Variants in C1R observed in about 807,000 individuals in gnomAD.
C1R encodes the protein complement C1r subcomponent.
C1R carries 15 observed loss-of-function variants against 27.6 expected under a neutral mutation model. The ratio of observed to expected loss-of-function variants is 0.54; its 90% CI spans 0.36 to 0.84. C1R has a LOEUF of 0.84. Among genes scored for constraint, C1R ranks in the 40% least tolerant of loss-of-function variants. The pLI, the probability that C1R is intolerant of heterozygous loss-of-function variation, is 0.01. For missense variants in C1R, 544 were observed against 577.9 expected (o/e 0.94, Z 0.60); for synonymous variants, 253 against 228.8 (o/e 1.11, Z -0.95).
chr12:7,088,814 G>T (rs770707142), intron 6 of C1R, 25 bp downstream of exon 6: 1 of 772,744 alleles, frequency 1.3e-6, no homozygotes, highest in Non-Finnish European at 2.4e-6. Flanking sequence ...GCTGGCCATC[G>T]AGGGAGGCCT....
chr12:7,090,863 A>G (rs1020926907), intron 2 of C1R, among the ~76,000 whole-genome samples: 3 of 152,134 alleles, frequency 2.0e-5, no homozygotes, highest in African/African-American at 7.2e-5. Context: ...AAGACGTGCC[A>G]TTGTCATGTA....
chr12:7,092,154 C>G lies in C1R; in HGVS notation c.2+233G>C, dbSNP rs1327036739. 4 of 615,370 alleles carry G rather than the reference C, an allele frequency of 6.5e-6. No individual in the cohort carries two copies. In the Admixed American group the frequency reaches 8.1e-5, roughly 12 times the overall value. 38.1% of individuals were successfully genotyped at this position (615,370 alleles called of 1,614,324 possible). On this transcript the variant is annotated intron_variant, in intron 1 of 10. Transcript: ENST00000647956. ...GTCCCCTCCTCTCGCTGCTCCCTGC[C>G]AAGAGCCCAGAGGGAAGAAAGGACC...
intron 5 of C1R, 108 bp downstream of exon 5, chr12:7,089,185 C>T: frequency 1.5e-6 from 1 of 676,588 alleles, no homozygotes; most frequent in Non-Finnish European, 2.7e-6. Context: ...GTGATGTTGG[C>T]CGTTCCTGCC....
chr12:7,085,161 T>C (rs1938128822), intron 9 of C1R, among the ~76,000 whole-genome samples: 1 of 150,436 alleles, frequency 6.6e-6, no homozygotes, highest in African/African-American at 2.5e-5. Flanking sequence ...GTGGTGATGG[T>C]GGTGTTGGTG....
Position 7,080,314 on chromosome 12 carries a change from C to A in C1R, c.*218G>T. ...GAAAGTGACAACTAGAGATTGATAACTATATCCTCTGCAATCCTCAGAAGA... is the reference window on the plus strand; with the variant it reads ...GAAAGTGACAACTAGAGATTGATAAATATATCCTCTGCAATCCTCAGAAGA... On this transcript the variant is annotated 3_prime_UTR_variant, in exon 11 of 11. Coordinates refer to ENST00000647956, the MANE Select transcript of C1R (RefSeq NM_001733.7). The surrounding 1 kb of genome is among the most constrained non-coding windows in gnomAD (Gnocchi z 4.9). The A allele has an allele frequency of 7.8e-7, 1 of 1,277,900 alleles. No individual in the cohort carries two copies. The highest frequency in any genetic ancestry group is 9.9e-7 in the Non-Finnish European group (1 of 1,014,498). 79.2% of individuals were successfully genotyped at this position (1,277,900 alleles called of 1,614,324 possible). A position where few individuals can be genotyped will look rare whatever the true frequency, so the allele number is the denominator to read the frequency against.
intron 2 of C1R, among the ~76,000 whole-genome samples, chr12:7,090,992 C>T (rs1938263217): frequency 6.6e-6 from 1 of 152,154 alleles, no homozygotes; most frequent in Non-Finnish European, 1.5e-5. Context: ...GGGAAGGTAC[C>T]CTTGGTTGCC....
rs2135745394 is a variant in C1R, at chr12:7,091,491, G to A, written c.192C>T (p.Asp64=). The stretch of plus-strand genomic sequence containing the variant: ...AGAAGCAGCCTTCAGAAGGCTCCAG[G>A]TCAAACTGCTGGAAGACGAGCTTCA... ...YRVKLVFQQF[D]LEPSEGCFYD... is the part of the protein sequence containing the mutation. The change falls in exon 2 of 11, where the codon GAC becomes GAT. Residue 64 remains aspartate (D), a synonymous_variant. Transcript: ENST00000647956. The surrounding 1 kb of genome is among the most constrained non-coding windows in gnomAD (Gnocchi z 5.1). 1.3e-6 allele frequency: 1 copy of A among 777,044 alleles called. No individual in the cohort carries two copies. Among genetic ancestry groups the A allele is most frequent in the East Asian group, 2.4e-5 (1 of 41,110 alleles). 48.1% of individuals were successfully genotyped at this position (777,044 alleles called of 1,614,324 possible). A position where few individuals can be genotyped will look rare whatever the true frequency, so the allele number is the denominator to read the frequency against.
At chr12:7,092,064 C>T (rs1021122134) in intron 1 of C1R, 6 of 570,440 alleles carry the variant, frequency 1.1e-5, no homozygotes, top group African/African-American at 1.9e-5. Flanking sequence ...TCAGCAAGAG[C>T]GTCTGGGAGA....
At chr12:7,092,045 C>T in intron 1 of C1R, 2 of 565,598 alleles carry the variant, frequency 3.5e-6, no homozygotes, top group Non-Finnish European at 6.4e-6. Context: ...TGAAAGGGCT[C>T]CCACAGGTTC....
chr12:7,087,824 T>C (rs1938178845), intron 7 of C1R: 1 of 154,620 alleles, frequency 6.5e-6, no homozygotes, highest in South Asian at 2.0e-4. Context: ...ATTAAATGAA[T>C]TAACTGTGAC....
At chr12:7,086,620 C>T (rs1938160597) in intron 7 of C1R, 163 bp from the exon 8 acceptor site, 1 of 389,066 alleles carries the variant, frequency 2.6e-6, no homozygotes, top group East Asian at 3.6e-5. Context: ...GTGGCTCCTT[C>T]TTCCTTCTCC....
Position 7,091,163 on chromosome 12 carries a change from A to G in C1R, c.231+289T>C. The G allele has an allele frequency of 2.5e-6, 1 of 405,816 alleles. No individual in the cohort carries two copies. The highest frequency in any genetic ancestry group is 2.9e-5 in the South Asian group (1 of 33,970). The allele number at this position is 405,816 out of a possible 1,614,324, so 25.1% of individuals were successfully genotyped here. A position where few individuals can be genotyped will look rare whatever the true frequency, so the allele number is the denominator to read the frequency against. On this transcript the variant is annotated intron_variant, in intron 2 of 10. Transcript: ENST00000647956. The surrounding 1 kb of genome is among the most constrained non-coding windows in gnomAD (Gnocchi z 5.1). The stretch of plus-strand genomic sequence containing the variant: ...GGAAGCTGAGGCACAGTGGTTTCCC[A>G]AAGACTCTCAGCTAGACAGCAGATG...
chr12:7,090,275 A>C (rs2135744417), intron 2 of C1R, 27 bp from the exon 3 acceptor site: 1 of 709,582 alleles, frequency 1.4e-6, no homozygotes, highest in Non-Finnish European at 2.6e-6. Context: ...AGGGGGTAGG[A>C]AGAAGATCTG....
intron 10 of C1R, among the ~76,000 whole-genome samples, 191 bp from the exon 11 acceptor site, chr12:7,081,492 T>A (rs780167365): frequency 7.9e-4 from 118 of 149,154 alleles, no homozygotes; most frequent in East Asian, 2.0e-3. Context: ...TTTTTTTTTT[T>A]AAATTATTAT....
At chr12:7,082,999 C>T (rs1938090167) in intron 9 of C1R, among the ~76,000 whole-genome samples, 1 of 152,162 alleles carries the variant, frequency 6.6e-6, no homozygotes, top group African/African-American at 2.4e-5. Context: ...CATTTATAAT[C>T]CAGATTTTTT....
intron 8 of C1R, 131 bp from the exon 9 acceptor site, chr12:7,086,147 T>C: frequency 2.5e-6 from 1 of 397,730 alleles, no homozygotes; most frequent in Non-Finnish European, 4.4e-6. Context: ...GGAGGGCCCT[T>C]GCAATGGACA....
Position 7,081,044 on chromosome 12 carries a change from G to A in C1R, c.1606C>T (p.Pro536Ser). The change falls in exon 11 of 11, where the codon CCC becomes TCC. Residue 536 changes from proline (P) to serine (S), a missense_variant. Physicochemically the swap from Pro to Ser is moderately conservative, Grantham distance 74 (BLOSUM62 -1). Transcript: ENST00000647956. ...GGGTGGACGCTGACCCTGCGGATGG[G>A]GTGATTTCCTAGCTTCATGAGCTCT... ...VEELMKLGNH[P>S]IRRVSVHPDY... 1 of 1,614,050 alleles carries A rather than the reference G, an allele frequency of 6.2e-7. No individual in the cohort carries two copies. The highest frequency in any genetic ancestry group is 8.5e-7 in the Non-Finnish European group (1 of 1,179,898).
At chr12:7,085,070 A>AGTGGTGATG (rs1179558902) in intron 9 of C1R, among the ~76,000 whole-genome samples, 1 of 134,460 alleles carries the variant, frequency 7.4e-6, no homozygotes, top group Non-Finnish European at 1.6e-5. Flanking sequence ...TGGTAATGAT[A>AGTGGTGATG]GTGGTGATGG....
At position 7,080,910 on chromosome 12, in the gene C1R, G is replaced by T; in HGVS notation, c.1740C>A (p.Asp580Glu). 1 of 1,613,318 alleles carries T rather than the reference G, an allele frequency of 6.2e-7. No homozygotes were observed. The highest frequency in any genetic ancestry group is 2.2e-5 in the East Asian group (1 of 44,876). ...GPNLLPICLP[D>E]NDTFYDLGLM... ...AGCCCAGGTCGTAGAAGGTATCGTT[G>T]TCAGGGAGGCAGATGGGGAGGAGGT... is the stretch of plus-strand genomic sequence containing the variant. Residue 580 changes from aspartate to glutamate, a missense_variant, in exon 11 of 11, where the codon GAC (aspartate) becomes GAA (glutamate). Asp to Glu is a conservative substitution (Grantham distance 45). Around this residue, in one of 2 missense-constraint regions of C1R, gnomAD observed 253 missense variants for 368.9 expected, o/e 0.69. Transcript: ENST00000647956. This position sits in a 1 kb window ranked among gnomAD's most constrained non-coding sequence, Gnocchi z 4.9.
Sources: gnomAD v4.1 joint callset for allele counts (sites outside exome capture counted in the v4.1 genomes callset) on GRCh38, gnomAD v4.1.1 for gene constraint, gnomAD v4.1.1 regional missense constraint, Gnocchi (gnomAD v3.1) non-coding constraint, MANE v1.5 for transcripts, NCBI Gene and HGNC (gene_info 2026-07-23, HGNC 2026-07-21) for gene names.